Variants in CAMTA2 observed in about 807,000 individuals in gnomAD.
CAMTA2 encodes calmodulin binding transcription activator 2.
In CAMTA2, 56 loss-of-function variants were observed where a neutral mutation model predicts 135.7. That is an observed-to-expected ratio of 0.41 (90% CI 0.33 to 0.52). The LOEUF (loss-of-function observed/expected upper bound fraction) is 0.52, where lower values mean the gene tolerates loss of function less well. CAMTA2 is among the 20% of genes least tolerant of loss of function. CAMTA2 has a pLI of 0.16. For synonymous variants in CAMTA2, 591 were observed against 604.6 expected (o/e 0.98, Z 0.33); for missense variants, 1,358 against 1,553.4 (o/e 0.87, Z 2.11).
Position 4,981,213 on chromosome 17 carries a change from G to C in CAMTA2, c.700+12C>G. 6.2e-7 allele frequency: 1 copy of C among 1,612,726 alleles called. No individual in the cohort carries two copies. The highest frequency in any genetic ancestry group is 8.5e-7 in the Non-Finnish European group (1 of 1,179,690). ...GGTGGGAAGACAGCCAAAAGGTCAGGGAGTAACTTACCAAGCCCCCCACTG... is the reference window on the plus strand; with the variant it reads ...GGTGGGAAGACAGCCAAAAGGTCAGCGAGTAACTTACCAAGCCCCCCACTG... On this transcript the variant is annotated intron_variant, in intron 8 of 22. Transcript: ENST00000348066.
Position 4,972,773 on chromosome 17 carries a change from G to C in CAMTA2, c.2499C>G (p.Asp833Glu). The C allele has an allele frequency of 6.2e-7, 1 of 1,612,816 alleles. No homozygotes were observed. Among genetic ancestry groups the C allele is most frequent in the Non-Finnish European group, 8.5e-7 (1 of 1,179,092 alleles). ...FALSPPSSSP[D>E]TGLSSVSSPS... Reference sequence around the variant, plus strand: ...AAAGATTAGGGCCACCCTCACCAGTGTCTGGGCTGGAGGAGGGTGGCGATA... The same window carrying C: ...AAAGATTAGGGCCACCCTCACCAGTCTCTGGGCTGGAGGAGGGTGGCGATA... Residue 833 changes from aspartate to glutamate, a missense_variant, in exon 15 of 23, where the codon GAC (aspartate) becomes GAG (glutamate). Physicochemically the swap from Asp to Glu is conservative, Grantham distance 45. This residue lies in a region of CAMTA2 where 1,077 missense variants were observed against 1,127.5 expected (regional missense o/e 0.96). Coordinates refer to ENST00000348066, the MANE Select transcript of CAMTA2 (RefSeq NM_015099.4).
intron 17 of CAMTA2, 50 bp from the exon 18 acceptor site, chr17:4,970,135 T>C (rs1597725690): frequency 6.4e-7 from 1 of 1,568,360 alleles, no homozygotes; most frequent in Non-Finnish European, 8.7e-7. Context: ...AAGTCCCTCC[T>C]CTGCCACCTA....
In CAMTA2 at chr17:4,980,654, T is replaced by TA. The variant is rs757961000; in HGVS notation, c.701-34dup. On this transcript the variant is annotated intron_variant, in intron 8 of 22. Transcript: ENST00000348066. The surrounding 1 kb of genome is among the most constrained non-coding windows in gnomAD (Gnocchi z 5.3). ...GGAGAGGAGTAGGAGGGAGAGGAGA[T>TA]AAGACACATCATTCCGCACCTTCTC... 2.0e-6 allele frequency: 3 copies of TA among 1,470,956 alleles called. No individual in the cohort carries two copies. Among genetic ancestry groups the TA allele is most frequent in the Non-Finnish European group, 2.8e-6 (3 of 1,053,262 alleles). 91.1% of individuals were successfully genotyped at this position (1,470,956 alleles called of 1,614,324 possible).
intron 1 of CAMTA2, chr17:4,987,299 G>A (rs1973414329): frequency 7.4e-7 from 1 of 1,344,390 alleles, no homozygotes; most frequent in African/African-American, 1.5e-5. Flanking sequence ...CGCCCGCATA[G>A]AGGGATGTTC....
rs1279770422 is a variant in CAMTA2, at chr17:4,969,098, G to A, written c.3470+52C>T. ...TGATGATCAAGAGGATGAGTAAGGG[G>A]GAATGGCGTGGATGCAGTGGGTGGG... On this transcript the variant is annotated intron_variant, in intron 21 of 22. Coordinates refer to ENST00000348066, the MANE Select transcript of CAMTA2 (RefSeq NM_015099.4). The surrounding 1 kb of genome is among the most constrained non-coding windows in gnomAD (Gnocchi z 5.6). 1.3e-5 allele frequency: 21 copies of A among 1,581,460 alleles called. No homozygotes were observed. Among genetic ancestry groups the A allele is most frequent in the South Asian group, 2.2e-5 (2 of 89,120 alleles).
chr17:4,976,037 G>A (rs557366903), intron 11 of CAMTA2, among the ~76,000 whole-genome samples: 4 of 152,108 alleles, frequency 2.6e-5, no homozygotes, highest in South Asian at 2.1e-4. Flanking sequence ...ACGGAGTCTC[G>A]CTCTGTCGCC....
rs1972056319 is a variant in CAMTA2, at chr17:4,968,662, G to A, written c.*94C>T. On this transcript the variant is annotated 3_prime_UTR_variant, in exon 23 of 23. Transcript: ENST00000348066. ...GGCTCCAACAAAGGTGAACAGGAAA[G>A]CTGCCGACAGGGGCTCCCCCTGCCC... The A allele has an allele frequency of 1.4e-6, 2 of 1,446,786 alleles. No homozygotes were observed. The highest frequency in any genetic ancestry group is 1.7e-5 in the Admixed American group (1 of 57,328). The allele number at this position is 1,446,786 out of a possible 1,614,324, so 89.6% of individuals were successfully genotyped here.
chr17:4,976,583 C>A (rs906171530), intron 11 of CAMTA2, among the ~76,000 whole-genome samples: 1 of 152,044 alleles, frequency 6.6e-6, no homozygotes, highest in African/African-American at 2.4e-5. Flanking sequence ...CACCTGTAAT[C>A]CCAGCTACTT....
At chr17:4,977,328 G>T in intron 10 of CAMTA2, 136 bp from the exon 11 acceptor site, 1 of 1,103,814 alleles carries the variant, frequency 9.1e-7, no homozygotes, top group Non-Finnish European at 1.3e-6. Context: ...CCTGGCTTCA[G>T]TGGCCTTGGC....
chr17:4,970,442 G>A lies in CAMTA2; in HGVS notation c.2903C>T (p.Ser968Leu), dbSNP rs1464741646. ...CACAGCCCCTGTCCGCTCCCGCATT[G>A]AGGCTCCAGCCTCGGGCAGCCCCAC... is the stretch of plus-strand genomic sequence containing the variant. ...DFVGLPEAGA[S>L]MRERTGAVGL... The change falls in exon 17 of 23, where the codon TCA (serine) becomes TTA (leucine). Residue 968 changes from serine to leucine, a missense_variant. Ser to Leu is a moderately radical substitution (Grantham distance 145, BLOSUM62 -2). Transcript: ENST00000348066. The A allele has an allele frequency of 1.2e-6, 2 of 1,614,004 alleles. No homozygotes were observed. Among genetic ancestry groups the A allele is most frequent in the African/African-American group, 2.7e-5 (2 of 74,916 alleles).
rs1439389190 is a variant in CAMTA2 at position 4,968,127 on chromosome 17, G to T, written c.*629C>A. 22 of 441,516 alleles carry T rather than the reference G, an allele frequency of 5.0e-5. No individual in the cohort carries two copies. In the Admixed American group the frequency reaches 8.8e-4, roughly 18 times the overall value. 27.3% of individuals were successfully genotyped at this position (441,516 alleles called of 1,614,324 possible). ...GCCCGGCCGTGCAGCCCTCCCCGCGGCGCCTTAAATAGATTCTTCACTATA... is the reference window on the plus strand; with the variant it reads ...GCCCGGCCGTGCAGCCCTCCCCGCGTCGCCTTAAATAGATTCTTCACTATA... On this transcript the variant is annotated 3_prime_UTR_variant, in exon 23 of 23. Coordinates refer to ENST00000348066, the MANE Select transcript of CAMTA2 (RefSeq NM_015099.4).
Position 4,969,535 on chromosome 17 carries a change from AG to A in CAMTA2, c.3262-16del. ...ATCCAGGTCAGCTTGTGGAGAGAGA[AG>A]GGGAGTTAGGGCTCTGGCAACATTC... On this transcript the variant is annotated splice_polypyrimidine_tract_variant and intron_variant, in intron 19 of 22. Coordinates refer to ENST00000348066, the MANE Select transcript of CAMTA2 (RefSeq NM_015099.4). This position sits in a 1 kb window ranked among gnomAD's most constrained non-coding sequence, Gnocchi z 5.6. 3 of 1,614,070 alleles carry A rather than the reference AG, an allele frequency of 1.9e-6. No individual in the cohort carries two copies. The highest frequency in any genetic ancestry group is 2.2e-5 in the East Asian group (1 of 44,870).
intron 16 of CAMTA2, among the ~76,000 whole-genome samples, chr17:4,971,206 A>G (rs889528007): frequency 8.5e-5 from 13 of 152,336 alleles, no homozygotes; most frequent in Middle Eastern, 3.4e-3. Flanking sequence ...TTCCTGCATC[A>G]GATCACTGCC....
chr17:4,985,752 G>A (rs1973238594), intron 3 of CAMTA2, 128 bp downstream of exon 3: 7 of 671,734 alleles, frequency 1.0e-5, no homozygotes, highest in Admixed American at 7.3e-5. Context: ...CCTCTCCTAG[G>A]ATCCCCAAAG....
chr17:4,969,105 C>G lies in CAMTA2; in HGVS notation c.3470+45G>C, dbSNP rs778949305. ...CAAGAGGATGAGTAAGGGGGAATGGCGTGGATGCAGTGGGTGGGCACAGAG... is the reference window on the plus strand; with the variant it reads ...CAAGAGGATGAGTAAGGGGGAATGGGGTGGATGCAGTGGGTGGGCACAGAG... On this transcript the variant is annotated intron_variant, in intron 21 of 22. Transcript: ENST00000348066. The surrounding 1 kb of genome is among the most constrained non-coding windows in gnomAD (Gnocchi z 5.6). 1.9e-6 allele frequency: 3 copies of G among 1,583,392 alleles called. No homozygotes were observed. The highest frequency in any genetic ancestry group is 2.6e-6 in the Non-Finnish European group (3 of 1,161,912).
In CAMTA2 at chr17:4,969,852, C is replaced by G. The variant is rs562916987; in HGVS notation, c.3189+50G>C. ...CCTCCAAAAGCCCTGGGAGCCCAGT[C>G]TCCCCTGACTGGAGATTGTGTAATT... is the stretch of plus-strand genomic sequence containing the variant. On this transcript the variant is annotated intron_variant, in intron 18 of 22. Coordinates refer to ENST00000348066, the MANE Select transcript of CAMTA2 (RefSeq NM_015099.4). The surrounding 1 kb of genome is among the most constrained non-coding windows in gnomAD (Gnocchi z 5.6). The G allele has an allele frequency of 2.5e-6, 4 of 1,604,648 alleles. No homozygotes were observed. In the South Asian group the frequency reaches 4.4e-5, roughly 18 times the overall value.
rs1972204530 is a variant in CAMTA2 at position 4,970,360 on chromosome 17, G to A, written c.2985C>T (p.Phe995=). The A allele has an allele frequency of 1.2e-6, 2 of 1,614,224 alleles. No homozygotes were observed. ...GTCACCTGGGAGGGGTTGAGCTGGG[G>A]AAATGGTCCACATTCTCCAGGTAGC... ...LASYLENVDH[F]PSSTPPSELP... Residue 995 remains phenylalanine (F), a synonymous_variant, in exon 17 of 23, where the codon TTC becomes TTT. Coordinates refer to ENST00000348066, the MANE Select transcript of CAMTA2 (RefSeq NM_015099.4).
chr17:4,982,131 G>T lies in CAMTA2; in HGVS notation c.369C>A (p.Ser123=), dbSNP rs768029478. 1.2e-6 allele frequency: 2 copies of T among 1,608,324 alleles called. No homozygotes were observed. The highest frequency in any genetic ancestry group is 3.3e-5 in the Admixed American group (2 of 59,772). The change falls in exon 6 of 23, where the codon TCC becomes TCA. Residue 123 remains serine, a synonymous_variant. Coordinates refer to ENST00000348066, the MANE Select transcript of CAMTA2 (RefSeq NM_015099.4). Reference sequence around the variant, plus strand: ...AGCGCCGATGGAATGTGGGGACGATGGAAGAGTGAACGTAGCAGCCATAGA... The same window carrying T: ...AGCGCCGATGGAATGTGGGGACGATTGAAGAGTGAACGTAGCAGCCATAGA... ...ECLYGCYVHS[S]IVPTFHRRCY...
chr17:4,969,450 G>T lies in CAMTA2; in HGVS notation c.3282+50C>A. 1 of 1,612,024 alleles carries T rather than the reference G, an allele frequency of 6.2e-7. No individual in the cohort carries two copies. Among genetic ancestry groups the T allele is most frequent in the South Asian group, 1.1e-5 (1 of 91,042 alleles). On this transcript the variant is annotated intron_variant, in intron 20 of 22. Coordinates refer to ENST00000348066, the MANE Select transcript of CAMTA2 (RefSeq NM_015099.4). This position sits in a 1 kb window ranked among gnomAD's most constrained non-coding sequence, Gnocchi z 5.6. Reference sequence around the variant, plus strand: ...GACTCTCTGTAACCCACACACTCAAGGAAAGACTGAATCATCACAGACCTC... The same window carrying T: ...GACTCTCTGTAACCCACACACTCAATGAAAGACTGAATCATCACAGACCTC...
Sources: gnomAD v4.1 joint callset for allele counts (sites outside exome capture counted in the v4.1 genomes callset) on GRCh38, gnomAD v4.1.1 for gene constraint, gnomAD v4.1.1 regional missense constraint, Gnocchi (gnomAD v3.1) non-coding constraint, MANE v1.5 for transcripts, NCBI Gene and HGNC (gene_info 2026-07-23, HGNC 2026-07-21) for gene names.